ZNF207: variants seen among roughly 807,000 people sequenced by gnomAD.
ZNF207 encodes BUB3-interacting and GLEBS motif-containing protein ZNF207.
ZNF207 carries 24 observed loss-of-function variants against 60.2 expected under a neutral mutation model. That is an observed-to-expected ratio of 0.40 (90% CI 0.29 to 0.56). The LOEUF (loss-of-function observed/expected upper bound fraction) is 0.56. Among genes scored for constraint, ZNF207 ranks in the 20% least tolerant of loss-of-function variants. The pLI, the probability that ZNF207 is intolerant of heterozygous loss-of-function variation, is 0.49. For synonymous variants in ZNF207, 236 were observed against 194.7 expected, an observed-to-expected ratio of 1.21 and a Z score of -1.77; for missense variants, 452 against 636.6, an observed-to-expected ratio of 0.71 and a Z score of 3.12.
chr17:32,351,611 T>C (rs754115341), intron 1 of ZNF207, 175 bp from the exon 2 acceptor site: 70 of 1,539,684 alleles, frequency 4.5e-5, no homozygotes, highest in Non-Finnish European at 5.8e-5. Context: ...AAATTGAAAA[T>C]ACTGAAATAA....
intron 2 of ZNF207, among the ~76,000 whole-genome samples, chr17:32,355,694 C>G (rs962049421): frequency 1.3e-5 from 2 of 152,158 alleles, no homozygotes; most frequent in African/African-American, 2.4e-5. Context: ...CTCTAGGCCA[C>G]TTCCAACATT....
At chr17:32,360,178 C>CCCG (rs1904777263) in intron 3 of ZNF207, among the ~76,000 whole-genome samples, 2 of 100,090 alleles carry the variant, frequency 2.0e-5, no homozygotes, top group African/African-American at 7.7e-5. Flanking sequence ...TCACCTTTAC[C>CCCG]CCCCCCCCAA....
chr17:32,369,788 G>C lies in ZNF207; in HGVS notation c.*29G>C, dbSNP rs1432473604. On this transcript the variant is annotated 3_prime_UTR_variant, in exon 12 of 12. Transcript: ENST00000394670. ...TACTTCATCCAGTCTAATAGGTTTG[G>C]AGATTAAACCTTTTCTCAACTTGTG... 1 of 1,446,822 alleles carries C rather than the reference G, an allele frequency of 6.9e-7. No homozygotes were observed. Among genetic ancestry groups the C allele is most frequent in the East Asian group, 2.4e-5 (1 of 41,266 alleles). 89.6% of individuals were successfully genotyped at this position (1,446,822 alleles called of 1,614,324 possible). A position where few individuals can be genotyped will look rare whatever the true frequency, so the allele number is the denominator to read the frequency against.
chr17:32,353,233 G>A lies in ZNF207; in HGVS notation c.168+1321G>A, dbSNP rs1904313125. On this transcript the variant is annotated intron_variant, in intron 2 of 11. Coordinates refer to ENST00000394670, the MANE Select transcript of ZNF207 (RefSeq NM_001098507.2). Reference sequence around the variant, plus strand: ...TTAAAGTTCTTTTAATAAATAGCGAGAGCATTGTAATTTATATTTTTTAAG... The same window carrying A: ...TTAAAGTTCTTTTAATAAATAGCGAAAGCATTGTAATTTATATTTTTTAAG... 2.0e-5 allele frequency among the ~76,000 whole-genome samples: 3 copies of A among 152,080 alleles called. No individual in the cohort carries two copies. In the South Asian group the frequency reaches 6.2e-4, roughly 32 times the overall value.
At chr17:32,368,073 G>A (rs551140846) in intron 10 of ZNF207, 59 bp downstream of exon 10, 10 of 1,594,874 alleles carry the variant, frequency 6.3e-6, no homozygotes, top group Non-Finnish European at 6.0e-6. Context: ...ATAGCAGTTC[G>A]TCCCTTTAAA....
rs768601366 is a variant in ZNF207 at position 32,362,920 on chromosome 17, G to T, written c.606G>T (p.Met202Ile). 2 of 1,613,308 alleles carry T rather than the reference G, an allele frequency of 1.2e-6. No individual in the cohort carries two copies. Among genetic ancestry groups the T allele is most frequent in the Non-Finnish European group, 1.7e-6 (2 of 1,179,914 alleles). Residue 202 changes from methionine to isoleucine, a missense_variant, in exon 7 of 12, where the codon ATG becomes ATT. This residue lies in a region of ZNF207 where 390 missense variants were observed against 461.4 expected (regional missense o/e 0.85). Coordinates refer to ENST00000394670, the MANE Select transcript of ZNF207 (RefSeq NM_001098507.2). ...GAAATTTGCTTTCTAATAGAATGAT[G>T]CCAATGGGTGGAATGATGCCACCTG... ...TQSFCGENIM[M>I]PMGGMMPPGP...
At chr17:32,354,743 A>C (rs75166612) in intron 2 of ZNF207, among the ~76,000 whole-genome samples, 29 of 151,932 alleles carry the variant, frequency 1.9e-4, no homozygotes, top group African/African-American at 6.8e-4. Flanking sequence ...CCTCTCGAGT[A>C]GCTGGGATTA....
At position 32,369,379 on chromosome 17, in the gene ZNF207, C is replaced by A; in HGVS notation, c.1249C>A (p.Pro417Thr). ...CCCCATCGGTAATCCACCAGTTGGA[C>A]CAATTGGAGGTATGATGCCACCACA... The part of the protein sequence containing the change: ...QAPIGNPPVG[P>T]IGGMMPPQPG... The change falls in exon 11 of 12, where the codon CCA becomes ACA. Residue 417 changes from proline (P) to threonine (T), a missense_variant. By Grantham distance (38) the Pro-to-Thr change is conservative. Transcript: ENST00000394670. 2 of 1,614,116 alleles carry A rather than the reference C, an allele frequency of 1.2e-6. No individual in the cohort carries two copies. Among genetic ancestry groups the A allele is most frequent in the Non-Finnish European group, 1.7e-6 (2 of 1,180,032 alleles).
At chr17:32,357,345 A>ATTTTTT (rs1232093255) in intron 2 of ZNF207, among the ~76,000 whole-genome samples, 43 of 64,972 alleles carry the variant, frequency 6.6e-4, no homozygotes, top group African/African-American at 2.8e-3. Context: ...TATTATTATT[A>ATTTTTT]TTATTATTTT....
At chr17:32,367,263 ATATATATATATATATAT>A (rs1905229388) in intron 9 of ZNF207, among the ~76,000 whole-genome samples, 1 of 114,838 alleles carries the variant, frequency 8.7e-6, no homozygotes, top group Admixed American at 8.4e-5. Flanking sequence ...ATATATATAT[ATATATATATATATATAT>A]ATATAAAGAA....
chr17:32,365,068 A>G (rs1409588212), intron 7 of ZNF207, among the ~76,000 whole-genome samples: 2 of 152,242 alleles, frequency 1.3e-5, no homozygotes, highest in African/African-American at 4.8e-5. Context: ...TTGCTAAATC[A>G]GTAGGACCAG....
intron 1 of ZNF207, 120 bp from the exon 2 acceptor site, chr17:32,351,666 G>C: frequency 6.3e-7 from 1 of 1,591,538 alleles, no homozygotes; most frequent in Non-Finnish European, 8.6e-7. Flanking sequence ...ATAAAAAGCA[G>C]AGTTTCTATA....
Position 32,376,077 on chromosome 17 carries a change from T to G in ZNF207, c.*6318T>G, listed in dbSNP as rs1905665128. 1 of 152,068 alleles carries G rather than the reference T, an allele frequency of 6.6e-6. No homozygotes were observed. Among genetic ancestry groups the G allele is most frequent in the South Asian group, 2.1e-4 (1 of 4,834 alleles). 9.4% of individuals were successfully genotyped at this position (152,068 alleles called of 1,614,324 possible). A position where few individuals can be genotyped will look rare whatever the true frequency, so the allele number is the denominator to read the frequency against. On this transcript the variant is annotated 3_prime_UTR_variant, in exon 12 of 12. Coordinates refer to ENST00000394670, the MANE Select transcript of ZNF207 (RefSeq NM_001098507.2). Reference sequence around the variant, plus strand: ...GGCAAAATAAGCACTTGATGTATGGTCATGTACATAATGGATATTCATTAA... The same window carrying G: ...GGCAAAATAAGCACTTGATGTATGGGCATGTACATAATGGATATTCATTAA...
Position 32,369,869 on chromosome 17 carries a change from T to G in ZNF207, c.*110T>G. ...GGCTTCATTGTGACTTTAACAAACA[T>G]TATCTTCCCACATACCAGGAACTAT... On this transcript the variant is annotated 3_prime_UTR_variant, in exon 12 of 12. Coordinates refer to ENST00000394670, the MANE Select transcript of ZNF207 (RefSeq NM_001098507.2). 8.6e-7 allele frequency: 1 copy of G among 1,169,522 alleles called. No individual in the cohort carries two copies. Among genetic ancestry groups the G allele is most frequent in the African/African-American group, 1.6e-5 (1 of 63,808 alleles). 72.4% of individuals were successfully genotyped at this position (1,169,522 alleles called of 1,614,324 possible). A position where few individuals can be genotyped will look rare whatever the true frequency, so the allele number is the denominator to read the frequency against.
Position 32,367,798 on chromosome 17 carries a change from T to C in ZNF207, c.948T>C (p.Val316=), listed in dbSNP as rs201669115. The C allele has an allele frequency of 1.9e-6, 3 of 1,614,058 alleles. No homozygotes were observed. Among genetic ancestry groups the C allele is most frequent in the Non-Finnish European group, 2.5e-6 (3 of 1,180,046 alleles). Residue 316 remains valine (V), a synonymous_variant, in exon 10 of 12, where the codon GTT becomes GTC. Coordinates refer to ENST00000394670, the MANE Select transcript of ZNF207 (RefSeq NM_001098507.2). ...AQAQAAVQGP[V]GTDFKPLNST... ...CTCAGGCAGCTGTCCAAGGACCTGT[T>C]GGTACAGATTTCAAACCCTTAAATA...
intron 8 of ZNF207, among the ~76,000 whole-genome samples, chr17:32,366,010 T>C (rs940190173): frequency 6.6e-6 from 1 of 152,198 alleles, no homozygotes; most frequent in African/African-American, 2.4e-5. Flanking sequence ...TAAAAGTCTT[T>C]TTTCCAGAGC....
intron 3 of ZNF207, among the ~76,000 whole-genome samples, chr17:32,359,969 G>A (rs780090492): frequency 1.3e-5 from 2 of 152,050 alleles, no homozygotes; most frequent in African/African-American, 2.4e-5. Context: ...TAAAATTTGA[G>A]CTCTGTTTTT....
chr17:32,367,446 C>G (rs1350491626), intron 9 of ZNF207, among the ~76,000 whole-genome samples: 3 of 150,640 alleles, frequency 2.0e-5, no homozygotes, highest in Non-Finnish European at 3.0e-5. Context: ...ACATGCTATT[C>G]TAAGATACTG....
rs769994296 is a variant in ZNF207 at position 32,366,651 on chromosome 17, C to CT, written c.829-10dup. 6.3e-7 allele frequency: 1 copy of CT among 1,587,662 alleles called. No individual in the cohort carries two copies. Among genetic ancestry groups the CT allele is most frequent in the African/African-American group, 1.4e-5 (1 of 73,112 alleles). On this transcript the variant is annotated splice_polypyrimidine_tract_variant and intron_variant, in intron 8 of 11. Transcript: ENST00000394670. ...TTGGAGACTTTTCATTGTTTCCTTT[C>CT]TTTTATGCTACAGATGGGGACACCT...
Sources: allele counts gnomAD v4.1 joint callset (sites outside exome capture counted in the v4.1 genomes callset), GRCh38; gene constraint gnomAD v4.1.1; regional missense constraint gnomAD v4.1.1; transcripts MANE v1.5; gene names NCBI Gene and HGNC (gene_info 2026-07-23, HGNC 2026-07-21).